Variants in OPA1 observed in about 807,000 individuals in gnomAD.
OPA1 encodes the protein dynamin-like GTPase OPA1, mitochondrial.
In OPA1, 59 loss-of-function variants were observed where a neutral mutation model predicts 152.9. That is an observed-to-expected ratio of 0.39 (90% CI 0.31 to 0.48). The LOEUF (loss-of-function observed/expected upper bound fraction) is 0.48. OPA1 is among the 20% of genes least tolerant of loss of function. The pLI is 0.96. For synonymous variants in OPA1, 400 were observed against 389.9 expected, an observed-to-expected ratio of 1.03 and a Z score of -0.31; for missense variants, 1,008 against 1,216.8, an observed-to-expected ratio of 0.83 and a Z score of 2.55.
rs1560301685 is a variant in OPA1, at chr3:193,596,380, C to CAA, written c.32+2971_32+2972insAA. ...TCTTTTCTTAATTTTCTTTTCTTTT[C>CAA]TTTTCTTTTCTGTTCTTTTCTTTTC... On this transcript the variant is annotated intron_variant, in intron 1 of 30. Coordinates refer to ENST00000361510, the MANE Select transcript of OPA1 (RefSeq NM_130837.3). 3.5e-3 allele frequency among the ~76,000 whole-genome samples: 256 copies of CAA among 73,822 alleles called. 1 individual carries two copies. Among genetic ancestry groups the CAA allele is most frequent in the African/African-American group, 0.014 (240 of 17,212 alleles). The allele number at this position is 73,822 out of a possible 152,430, so 48.4% of individuals were successfully genotyped here.
chr3:193,655,095 G>T, intron 22 of OPA1, 68 bp downstream of exon 22: 7 of 1,420,104 alleles, frequency 4.9e-6, no homozygotes, highest in Non-Finnish European at 6.9e-6. Context: ...GTGAATTTTA[G>T]ATTTTATTCC....
intron 29 of OPA1, among the ~76,000 whole-genome samples, chr3:193,690,772 C>T (rs1430545743): frequency 6.6e-6 from 1 of 152,046 alleles, no homozygotes; most frequent in African/African-American, 2.4e-5. Flanking sequence ...CATGGTTTTC[C>T]TACATAGTGA....
At chr3:193,646,951 T>A in intron 18 of OPA1, 114 bp from the exon 19 acceptor site, 1 of 674,188 alleles carries the variant, frequency 1.5e-6, no homozygotes, top group South Asian at 1.7e-5. Flanking sequence ...TGAACAGCAC[T>A]GGTATGAAAG....
At chr3:193,606,225 T>G (rs1245934884) in intron 1 of OPA1, among the ~76,000 whole-genome samples, 1 of 152,202 alleles carries the variant, frequency 6.6e-6, no homozygotes, top group Non-Finnish European at 1.5e-5. Flanking sequence ...TTGATTTTTT[T>G]AATATATAAT....
At position 193,593,342 on chromosome 3, in the gene OPA1, C is replaced by T; in HGVS notation, c.-36C>T. On this transcript the variant is annotated 5_prime_UTR_variant, in exon 1 of 31. Coordinates refer to ENST00000361510, the MANE Select transcript of OPA1 (RefSeq NM_130837.3). ...GGCTCACACGGGGGCTCCCGCGTGGCCGTCTCGGCGCCTGCGTGACCTCCC... is the reference window on the plus strand; with the variant it reads ...GGCTCACACGGGGGCTCCCGCGTGGTCGTCTCGGCGCCTGCGTGACCTCCC... The T allele has an allele frequency of 6.5e-7, 1 of 1,538,800 alleles. No homozygotes were observed. The highest frequency in any genetic ancestry group is 1.4e-5 in the African/African-American group (1 of 72,556).
chr3:193,634,354 G>C (rs545185378), intron 8 of OPA1, among the ~76,000 whole-genome samples: 1 of 151,070 alleles, frequency 6.6e-6, no homozygotes, highest in South Asian at 2.1e-4. Flanking sequence ...TTTGATTTTG[G>C]TGTTTTGTTT....
chr3:193,593,278 C>T lies in OPA1; in HGVS notation c.-100C>T, dbSNP rs2108755236. ...GGCTCTGTGCCCTTGCTGCTGAGGG[C>T]CACTTCCTGGGTCATTCCTGGACCG... On this transcript the variant is annotated 5_prime_UTR_variant, in exon 1 of 31. Transcript: ENST00000361510. 1 of 1,279,574 alleles carries T rather than the reference C, an allele frequency of 7.8e-7. No individual in the cohort carries two copies. The allele number at this position is 1,279,574 out of a possible 1,614,324, so 79.3% of individuals were successfully genotyped here. A position where few individuals can be genotyped will look rare whatever the true frequency, so the allele number is the denominator to read the frequency against.
At chr3:193,604,465 G>C (rs529405351) in intron 1 of OPA1, among the ~76,000 whole-genome samples, 1 of 152,328 alleles carries the variant, frequency 6.6e-6, no homozygotes, top group South Asian at 2.1e-4. Flanking sequence ...TCTTTTGGTT[G>C]CAGGTCGAGG....
Position 193,645,795 on chromosome 3 carries a change from C to G in OPA1, c.1749C>G (p.Leu583=). The G allele has an allele frequency of 6.2e-7, 1 of 1,608,406 alleles. No homozygotes were observed. The highest frequency in any genetic ancestry group is 1.3e-5 in the African/African-American group (1 of 74,886). ...YEEEFFQNSK[L]LKTSMLKAHQ... ...AAGAGTTTTTTCAGAATTCAAAGCTCCTAAAGTAGGTATCTTGTTAAAACA... is the reference window on the plus strand; with the variant it reads ...AAGAGTTTTTTCAGAATTCAAAGCTGCTAAAGTAGGTATCTTGTTAAAACA... Residue 583 remains leucine, a synonymous_variant, in exon 18 of 31, where the codon CTC becomes CTG. Coordinates refer to ENST00000361510, the MANE Select transcript of OPA1 (RefSeq NM_130837.3).
intron 26 of OPA1, among the ~76,000 whole-genome samples, chr3:193,663,763 A>G (rs1016921937): frequency 1.3e-5 from 2 of 152,114 alleles, no homozygotes; most frequent in Non-Finnish European, 2.9e-5. Flanking sequence ...AAATTCCACC[A>G]CAGGTCAGAA....
At chr3:193,677,544 A>T (rs1719381183) in intron 29 of OPA1, among the ~76,000 whole-genome samples, 1 of 152,196 alleles carries the variant, frequency 6.6e-6, no homozygotes, top group Non-Finnish European at 1.5e-5. Context: ...AACAGTATAT[A>T]AAAAATAAAA....
At chr3:193,647,233 C>T (rs1734799584) in intron 19 of OPA1, 53 bp downstream of exon 19, 1 of 1,101,296 alleles carries the variant, frequency 9.1e-7, no homozygotes, top group African/African-American at 1.6e-5. Flanking sequence ...TATTAGCTGG[C>T]AATCTTTGGC....
At chr3:193,615,798 T>C in intron 3 of OPA1, 28 bp downstream of exon 3, 1 of 1,289,828 alleles carries the variant, frequency 7.8e-7, no homozygotes, top group Non-Finnish European at 1.1e-6. Context: ...TAAAATACTT[T>C]TTTTGGTCAT....
intron 29 of OPA1, among the ~76,000 whole-genome samples, chr3:193,686,835 T>C (rs116496959): frequency 3.7e-3 from 571 of 152,352 alleles, no homozygotes; most frequent in African/African-American, 0.013. Context: ...CAGCATGTTA[T>C]ACAACAGTTC....
intron 8 of OPA1, among the ~76,000 whole-genome samples, chr3:193,634,783 C>CT (rs1397415146): frequency 4.6e-5 from 7 of 152,204 alleles, no homozygotes; most frequent in African/African-American, 1.7e-4. Flanking sequence ...GTTTGAGCCT[C>CT]TGACAGCCCT....
intron 12 of OPA1, 21 bp from the exon 13 acceptor site, chr3:193,642,954 G>C: frequency 6.2e-7 from 1 of 1,608,370 alleles, no homozygotes; most frequent in Non-Finnish European, 8.5e-7. Context: ...GATTTTCTTA[G>C]GATTTTGTGT....
At position 193,675,312 on chromosome 3, in the gene OPA1, AT is replaced by A. The variant is rs535999762; in HGVS notation, c.2983+8044del. Among the ~76,000 whole-genome samples, 842 of 120,548 alleles carry A rather than the reference AT, an allele frequency of 7.0e-3. 11 individuals are homozygous for A. Among genetic ancestry groups the A allele is most frequent in the African/African-American group, 0.024 (750 of 30,758 alleles). The allele number at this position is 120,548 out of a possible 152,430, so 79.1% of individuals were successfully genotyped here. A position where few individuals can be genotyped will look rare whatever the true frequency, so the allele number is the denominator to read the frequency against. On this transcript the variant is annotated intron_variant, in intron 29 of 30. Coordinates refer to ENST00000361510, the MANE Select transcript of OPA1 (RefSeq NM_130837.3). The stretch of plus-strand genomic sequence containing the variant: ...TTCTAGGTATGTAGGTTCAGAGGAG[AT>A]TTTTTTTTTTTAAGAAAAAAAAAAA...
chr3:193,610,435 A>G (rs1346323445), intron 1 of OPA1, among the ~76,000 whole-genome samples: 1 of 152,180 alleles, frequency 6.6e-6, no homozygotes, highest in Non-Finnish European at 1.5e-5. Context: ...GTGAGGTGTC[A>G]GTCTGCCCCT....
Position 193,659,485 on chromosome 3 carries a change from A to G in OPA1, c.2444A>G (p.Glu815Gly). 6.2e-7 allele frequency: 1 copy of G among 1,608,658 alleles called. No homozygotes were observed. Among genetic ancestry groups the G allele is most frequent in the Non-Finnish European group, 8.5e-7 (1 of 1,176,782 alleles). ...EALQARLKDT[E>G]NAIENMVGPD... ...ATTAATTAATTTTTTTTTCTAGCTG[A>G]AAATGCAATTGAAAACATGGTGGGT... The change falls in exon 25 of 31, where the codon GAA (glutamate) becomes GGA (glycine). Residue 815 changes from glutamate to glycine, a missense_variant. Glu to Gly is a moderately conservative substitution (Grantham distance 98). This residue lies in a region of OPA1 where 229 missense variants were observed against 269.0 expected (regional missense o/e 0.85). Transcript: ENST00000361510.
Sources: allele counts gnomAD v4.1 joint callset (sites outside exome capture counted in the v4.1 genomes callset), GRCh38; gene constraint gnomAD v4.1.1; regional missense constraint gnomAD v4.1.1; transcripts MANE v1.5; gene names NCBI Gene and HGNC (gene_info 2026-07-23, HGNC 2026-07-21).